OPCML: variants seen among roughly 807,000 people sequenced by gnomAD.
The protein encoded by OPCML is opioid-binding protein/cell adhesion molecule.
A neutral mutation model predicts 37.8 loss-of-function variants in OPCML; 13 were observed. The observed-to-expected ratio is 0.34, with a 90% CI of 0.22 to 0.55. The LOEUF is 0.55. Ranked by LOEUF, OPCML falls within the 20% of genes least tolerant of loss-of-function variation. OPCML has a pLI of 0.91. For synonymous variants in OPCML, 176 were observed against 168.8 expected (o/e 1.04, Z -0.33); for missense variants, 341 against 435.6 (o/e 0.78, Z 1.93).
intron 1 of OPCML, among the ~76,000 whole-genome samples, chr11:133,071,090 A>C (rs1948525070): frequency 6.6e-6 from 1 of 152,170 alleles, no homozygotes; most frequent in Non-Finnish European, 1.5e-5. Context: ...TCTTAAATAT[A>C]ACCAGATATG....
intron 4 of OPCML, among the ~76,000 whole-genome samples, chr11:132,493,238 C>T (rs1235861383): frequency 6.6e-6 from 1 of 152,110 alleles, no homozygotes; most frequent in Non-Finnish European, 1.5e-5. Flanking sequence ...GCCATGACTG[C>T]CCTCAGTAGA....
At chr11:133,502,424 A>G (rs577271496) in intron 1 of OPCML, among the ~76,000 whole-genome samples, 1 of 152,308 alleles carries the variant, frequency 6.6e-6, no homozygotes, top group East Asian at 1.9e-4. Flanking sequence ...CCGGCTGACA[A>G]GCTCCCTGGG....
intron 1 of OPCML, among the ~76,000 whole-genome samples, chr11:133,116,010 C>T (rs989919713): frequency 9.2e-5 from 14 of 152,088 alleles, no homozygotes; most frequent in African/African-American, 3.4e-4. Context: ...CGCTCTGTCA[C>T]CCAGGCTAGA....
intron 3 of OPCML, among the ~76,000 whole-genome samples, chr11:132,565,747 A>G (rs895377936): frequency 6.6e-6 from 1 of 152,196 alleles, no homozygotes; most frequent in Non-Finnish European, 1.5e-5. Context: ...ATTTTTAAAC[A>G]TCTGACTGGG....
intron 2 of OPCML, among the ~76,000 whole-genome samples, chr11:132,810,069 T>C (rs1324954710): frequency 6.6e-6 from 1 of 152,010 alleles, no homozygotes; most frequent in Non-Finnish European, 1.5e-5. Context: ...CAGGATGGAC[T>C]CGAAGTCCTA....
chr11:132,934,004 C>T (rs773084986), intron 2 of OPCML, among the ~76,000 whole-genome samples: 1 of 152,124 alleles, frequency 6.6e-6, no homozygotes, highest in African/African-American at 2.4e-5. Flanking sequence ...CAGGAGGCAA[C>T]AGTGGATAGT....
intron 1 of OPCML, among the ~76,000 whole-genome samples, chr11:133,072,143 T>C (rs564382346): frequency 6.6e-6 from 1 of 151,922 alleles, no homozygotes; most frequent in South Asian, 2.1e-4. Context: ...AGACCGCTAA[T>C]GAGTACTGGT....
intron 2 of OPCML, among the ~76,000 whole-genome samples, chr11:132,889,110 A>T (rs1408320779): frequency 6.6e-6 from 1 of 152,244 alleles, no homozygotes; most frequent in Non-Finnish European, 1.5e-5. Context: ...TATAGAGAAC[A>T]TCTAACTGTT....
At chr11:132,969,990 A>G (rs1032864317) in intron 1 of OPCML, among the ~76,000 whole-genome samples, 69 of 152,118 alleles carry the variant, frequency 4.5e-4, no homozygotes, top group African/African-American at 1.6e-3. Flanking sequence ...TTCGTGTCTC[A>G]TAATTTTTTG....
intron 2 of OPCML, among the ~76,000 whole-genome samples, chr11:132,695,196 A>C (rs577995361): frequency 1.3e-5 from 2 of 152,298 alleles, no homozygotes; most frequent in East Asian, 3.9e-4. Flanking sequence ...AGAGAGAGTG[A>C]GAGACTGTTC....
intron 2 of OPCML, among the ~76,000 whole-genome samples, chr11:132,707,563 C>T (rs764292554): frequency 6.6e-6 from 1 of 152,148 alleles, no homozygotes; most frequent in Non-Finnish European, 1.5e-5. Flanking sequence ...CTAGTATAGA[C>T]ACATTATTAC....
chr11:132,563,718 T>G (rs2096415732), intron 3 of OPCML, among the ~76,000 whole-genome samples: 1 of 152,164 alleles, frequency 6.6e-6, no homozygotes, highest in Admixed American at 6.5e-5. Context: ...GAATGGGATC[T>G]GCAGAAGCCA....
At chr11:133,423,050 C>T in intron 1 of OPCML, 3 of 985,408 alleles carry the variant, frequency 3.0e-6, no homozygotes, top group Non-Finnish European at 3.6e-6. Flanking sequence ...GTTCCTCTTA[C>T]TTCCTTTAGA....
chr11:132,785,958 C>T (rs1333874790), intron 2 of OPCML, among the ~76,000 whole-genome samples: 1 of 152,224 alleles, frequency 6.6e-6, no homozygotes, highest in African/African-American at 2.4e-5. Context: ...GCTCAGATTT[C>T]CATGTCTGAT....
intron 1 of OPCML, among the ~76,000 whole-genome samples, chr11:133,446,803 A>G (rs1425274384): frequency 1.3e-5 from 2 of 152,106 alleles, no homozygotes; most frequent in Non-Finnish European, 2.9e-5. Context: ...ACATTTTGTC[A>G]TTTGTGTCTG....
intron 1 of OPCML, among the ~76,000 whole-genome samples, chr11:132,967,993 C>G (rs1946252266): frequency 6.6e-6 from 1 of 152,194 alleles, no homozygotes; most frequent in Non-Finnish European, 1.5e-5. Flanking sequence ...TGAACCTATA[C>G]TGATACATTA....
intron 2 of OPCML, chr11:132,860,553 GCCACGGCAAT>G (rs1352000754): frequency 6.6e-6 from 1 of 152,156 alleles, no homozygotes; most frequent in Non-Finnish European, 1.5e-5. Context: ...CATAGTGAAA[GCCACGGCAAT>G]CCATTACGTC....
chr11:132,717,179 G>A (rs986787674), intron 2 of OPCML, among the ~76,000 whole-genome samples: 1 of 152,122 alleles, frequency 6.6e-6, no homozygotes, highest in Non-Finnish European at 1.5e-5. Flanking sequence ...AAGCTATTGT[G>A]ACCACTTTGT....
At chr11:132,858,440 T>C (rs74453424) in intron 2 of OPCML, among the ~76,000 whole-genome samples, 126 of 152,298 alleles carry the variant, frequency 8.3e-4, no homozygotes, top group Non-Finnish European at 1.6e-3. Context: ...GAAGCACAGA[T>C]GCCTTTGACA....
Sources: gnomAD v4.1 joint callset for allele counts (sites outside exome capture counted in the v4.1 genomes callset) on GRCh38, gnomAD v4.1.1 for gene constraint, MANE v1.5 for transcripts, NCBI Gene and HGNC (gene_info 2026-07-23, HGNC 2026-07-21) for gene names.